The following HTR2C variants were observed in gnomAD, a reference collection of about 807,000 sequenced individuals.
HTR2C encodes 5-hydroxytryptamine receptor 2C, also known as 5-hydroxytryptamine (serotonin) receptor 2C, G protein-coupled.
A neutral mutation model predicts 21.0 loss-of-function variants in HTR2C; 5 were observed. The observed-to-expected ratio is 0.24, with a 90% CI of 0.12 to 0.50. HTR2C has a LOEUF of 0.50. Ranked by LOEUF, HTR2C falls within the 20% of genes least tolerant of loss-of-function variation. HTR2C has a pLI of 0.98. For synonymous variants in HTR2C, 150 were observed against 145.3 expected (o/e 1.03, Z -0.23); for missense variants, 271 against 371.2 (o/e 0.73, Z 2.22).
intron 4 of HTR2C, among the ~76,000 whole-genome samples, chrX:114,833,950 T>C (rs1311108715): frequency 2.4e-4 from 26 of 109,612 alleles, no homozygotes; most frequent in Middle Eastern, 4.6e-3. Flanking sequence ...GCCTTCATTT[T>C]GTTATGTACC....
chrX:114,629,967 C>T (rs1929540412), intron 2 of HTR2C, among the ~76,000 whole-genome samples: 1 of 109,513 alleles, frequency 9.1e-6, no homozygotes, highest in Admixed American at 9.8e-5. Flanking sequence ...ATGAAGCAAA[C>T]AATGAAGAAA....
At chrX:114,775,026 C>T (rs2070042622) in intron 4 of HTR2C, 9 of 480,083 alleles carry the variant, frequency 1.9e-5, no homozygotes, top group Non-Finnish European at 2.6e-5. Flanking sequence ...GATTCTTATC[C>T]AGCCATTTGA....
intron 2 of HTR2C, among the ~76,000 whole-genome samples, chrX:114,723,245 A>T (rs1324527254): frequency 2.6e-4 from 29 of 110,982 alleles, no homozygotes; most frequent in Non-Finnish European, 4.9e-4. Context: ...TAGTCTTGGG[A>T]GAGTGTATGT....
At chrX:114,795,884 G>T (rs1388517062) in intron 4 of HTR2C, among the ~76,000 whole-genome samples, 1 of 111,600 alleles carries the variant, frequency 9.0e-6, no homozygotes, top group East Asian at 2.8e-4. Context: ...AAAGATCTAT[G>T]TTCCAGACTG....
intron 2 of HTR2C, among the ~76,000 whole-genome samples, chrX:114,642,202 A>G (rs959250618): frequency 1.8e-5 from 2 of 112,103 alleles, no homozygotes; most frequent in Admixed American, 1.9e-4. Flanking sequence ...GCTACAGTGA[A>G]CATACGTAAG....
At chrX:114,631,163 G>A (rs1929604516) in intron 2 of HTR2C, among the ~76,000 whole-genome samples, 1 of 111,144 alleles carries the variant, frequency 9.0e-6, no homozygotes, top group Admixed American at 9.6e-5. Flanking sequence ...AAAATCAGCT[G>A]GGCATGGTGG....
intron 4 of HTR2C, among the ~76,000 whole-genome samples, chrX:114,761,840 C>A (rs1175563977): frequency 9.9e-6 from 1 of 100,993 alleles, no homozygotes; most frequent in African/African-American, 3.6e-5. Flanking sequence ...AAGGCACCCT[C>A]CCCCCAAAAG....
intron 4 of HTR2C, among the ~76,000 whole-genome samples, chrX:114,810,304 G>A (rs781998151): frequency 3.6e-5 from 4 of 111,471 alleles, no homozygotes; most frequent in South Asian, 7.8e-4. Flanking sequence ...TAGGTCTCAT[G>A]CACCCCAAGT....
At chrX:114,729,781 C>G (rs1158814862) in intron 3 of HTR2C, among the ~76,000 whole-genome samples, 2 of 111,239 alleles carry the variant, frequency 1.8e-5, no homozygotes, top group Non-Finnish European at 1.9e-5. Flanking sequence ...GAACAAGTGA[C>G]TGGGATAATG....
chrX:114,731,271 T>G (rs186852511), intron 3 of HTR2C, 23 bp from the exon 4 acceptor site: 151 of 883,282 alleles, frequency 1.7e-4, no homozygotes, highest in African/African-American at 1.5e-3. Flanking sequence ...TACCTGATTG[T>G]TTTTTTTTTT....
chrX:114,604,865 G>C (rs1463926679), intron 1 of HTR2C, among the ~76,000 whole-genome samples: 15 of 109,842 alleles, frequency 1.4e-4, no homozygotes, highest in South Asian at 4.0e-4. Flanking sequence ...GTTTGTCTCA[G>C]AGTGGAGGCA....
intron 1 of HTR2C, among the ~76,000 whole-genome samples, chrX:114,597,076 G>A (rs1927885007): frequency 9.1e-6 from 1 of 109,412 alleles, no homozygotes; most frequent in Non-Finnish European, 1.9e-5. Flanking sequence ...AAATTATCCC[G>A]GCGTGGTTGT....
intron 5 of HTR2C, among the ~76,000 whole-genome samples, chrX:114,895,074 C>G (rs2071286210): frequency 9.0e-6 from 1 of 111,307 alleles, no homozygotes; most frequent in South Asian, 3.8e-4. Flanking sequence ...CTGACAAGTG[C>G]TCTAATATGC....
At chrX:114,881,911 G>A (rs2071184975) in intron 5 of HTR2C, among the ~76,000 whole-genome samples, 2 of 110,307 alleles carry the variant, frequency 1.8e-5, no homozygotes, top group African/African-American at 6.5e-5. Flanking sequence ...TAGTAATTTT[G>A]TTGAGTTTTT....
At chrX:114,678,482 A>G (rs1931640418) in intron 2 of HTR2C, among the ~76,000 whole-genome samples, 1 of 111,604 alleles carries the variant, frequency 9.0e-6, no homozygotes, top group Admixed American at 9.6e-5. Context: ...GGTCGAGATA[A>G]GAGAGAGAAA....
intron 1 of HTR2C, among the ~76,000 whole-genome samples, chrX:114,607,980 C>G (rs997774324): frequency 9.0e-6 from 1 of 111,051 alleles, no homozygotes; most frequent in Non-Finnish European, 1.9e-5. Flanking sequence ...GAAAGAAACT[C>G]CACCTCAAAA....
At chrX:114,754,122 A>G (rs1224710552) in intron 4 of HTR2C, among the ~76,000 whole-genome samples, 1 of 110,754 alleles carries the variant, frequency 9.0e-6, no homozygotes, top group Non-Finnish European at 1.9e-5. Flanking sequence ...ATTTTAACTT[A>G]ATTACCTCTC....
At chrX:114,670,330 G>A (rs1931328370) in intron 2 of HTR2C, among the ~76,000 whole-genome samples, 1 of 105,387 alleles carries the variant, frequency 9.5e-6, no homozygotes, top group African/African-American at 3.5e-5. Context: ...GGGAGGCAGA[G>A]GTTGCAATGA....
chrX:114,630,824 C>A (rs781874813), intron 2 of HTR2C: 1 of 369,647 alleles, frequency 2.7e-6, no homozygotes, highest in South Asian at 2.4e-5. Flanking sequence ...CCATTGGGCT[C>A]CATCTTGACC....
Sources: allele counts gnomAD v4.1 joint callset (sites outside exome capture counted in the v4.1 genomes callset), GRCh38; gene constraint gnomAD v4.1.1; transcripts MANE v1.5; gene names NCBI Gene and HGNC (gene_info 2026-07-23, HGNC 2026-07-21).